AGMO: variants seen among roughly 807,000 people sequenced by gnomAD.
AGMO encodes glyceryl-ether monooxygenase.
A neutral mutation model predicts 60.2 loss-of-function variants in AGMO; 75 were observed. The observed-to-expected ratio is 1.25, with a 90% confidence interval of 1.03 to 1.51. The LOEUF (loss-of-function observed/expected upper bound fraction) is 1.51, where lower values mean the gene tolerates loss of function less well. Ranked by LOEUF, AGMO falls within the 40% of genes most tolerant of loss-of-function variation. AGMO has a pLI of 0.00. For synonymous variants in AGMO, 261 were observed against 177.1 expected, an observed-to-expected ratio of 1.47 and a Z score of -3.76; for missense variants, 763 against 525.5, an observed-to-expected ratio of 1.45 and a Z score of -4.42.
chr7:15,340,365 T>TG (rs1362556001), intron 12 of AGMO, among the ~76,000 whole-genome samples: 2 of 152,206 alleles, frequency 1.3e-5, no homozygotes, highest in Non-Finnish European at 1.5e-5. Context: ...GACTTAGGGA[T>TG]GCTCAACCTA....
the AGMO span, among the ~76,000 whole-genome samples, chr7:15,123,419 T>C: frequency 6.6e-6 from 1 of 152,018 alleles, no homozygotes; most frequent in African/African-American, 2.4e-5. Flanking sequence ...TGCCTAGTGT[T>C]GTACTTGGCA....
chr7:15,181,623 A>G, the AGMO span, among the ~76,000 whole-genome samples: 1 of 152,140 alleles, frequency 6.6e-6, no homozygotes, highest in Non-Finnish European at 1.5e-5. Context: ...AATATATTAT[A>G]TATATTATCT....
intron 12 of AGMO, among the ~76,000 whole-genome samples, chr7:15,237,489 T>A (rs2128501592): frequency 6.6e-6 from 1 of 152,172 alleles, no homozygotes; most frequent in African/African-American, 2.4e-5. Context: ...AGAGAGTGTT[T>A]TTTTTTTCTT....
chr7:15,242,495 G>A (rs1284110726), intron 12 of AGMO, among the ~76,000 whole-genome samples: 1 of 152,164 alleles, frequency 6.6e-6, no homozygotes. Flanking sequence ...AATGCTGGAG[G>A]AAGAATACAA....
At chr7:15,505,906 G>C (rs771733246) in intron 3 of AGMO, among the ~76,000 whole-genome samples, 13 of 152,092 alleles carry the variant, frequency 8.5e-5, no homozygotes, top group Non-Finnish European at 1.8e-4. Flanking sequence ...AATAGTTTCA[G>C]CATGATCCAA....
chr7:15,440,590 A>G (rs1781526104), intron 3 of AGMO, among the ~76,000 whole-genome samples: 1 of 152,194 alleles, frequency 6.6e-6, no homozygotes, highest in Non-Finnish European at 1.5e-5. Flanking sequence ...TAGGTGTTAC[A>G]GATAGGTAGT....
At chr7:15,140,098 T>C in the AGMO span, among the ~76,000 whole-genome samples, 2 of 151,280 alleles carry the variant, frequency 1.3e-5, no homozygotes, top group African/African-American at 4.8e-5. Flanking sequence ...TATAAAAATA[T>C]AATATCAAAA....
chr7:15,256,443 C>T (rs866475228), intron 12 of AGMO, among the ~76,000 whole-genome samples: 1 of 152,064 alleles, frequency 6.6e-6, no homozygotes, highest in Non-Finnish European at 1.5e-5. Flanking sequence ...CCCAGGTTCA[C>T]GCCATTCTCC....
At chr7:15,407,546 T>C (rs936180411) in intron 5 of AGMO, among the ~76,000 whole-genome samples, 11 of 151,672 alleles carry the variant, frequency 7.3e-5, no homozygotes, top group East Asian at 5.8e-4. Flanking sequence ...ATTTTAGATA[T>C]GCTGATTCAG....
chr7:15,436,261 A>C (rs1781401469), intron 3 of AGMO, among the ~76,000 whole-genome samples: 1 of 152,072 alleles, frequency 6.6e-6, no homozygotes, highest in African/African-American at 2.4e-5. Context: ...AATTTGTAAT[A>C]AACAGGAATT....
chr7:15,557,331 A>G (rs1380445909), intron 2 of AGMO, among the ~76,000 whole-genome samples: 1 of 152,082 alleles, frequency 6.6e-6, no homozygotes, highest in Non-Finnish European at 1.5e-5. Context: ...TTGTCTTGCA[A>G]TCACCTATTT....
chr7:15,375,676 G>C (rs188534411), intron 10 of AGMO, among the ~76,000 whole-genome samples: 24 of 152,070 alleles, frequency 1.6e-4, no homozygotes, highest in African/African-American at 5.8e-4. Flanking sequence ...GATTACAGGC[G>C]TAAGCCACTG....
chr7:15,248,227 T>TGTATATATATA (rs1413598774), intron 12 of AGMO, among the ~76,000 whole-genome samples: 5 of 118,120 alleles, frequency 4.2e-5, no homozygotes, highest in Non-Finnish European at 9.0e-5. Flanking sequence ...TATATATATC[T>TGTATATATATA]TCATCTTCAA....
the AGMO span, among the ~76,000 whole-genome samples, chr7:15,152,710 T>A: frequency 2.6e-5 from 4 of 152,196 alleles, no homozygotes; most frequent in Non-Finnish European, 4.4e-5. Context: ...TTCCATGATA[T>A]AAATATACAA....
the AGMO span, among the ~76,000 whole-genome samples, chr7:15,161,569 TTACATATATGTGTATATA>T: frequency 6.6e-6 from 1 of 151,640 alleles, no homozygotes; most frequent in East Asian, 1.9e-4. Context: ...CATGTGGATT[TTACATATATGTGTATATA>T]TACATATATG....
intron 3 of AGMO, among the ~76,000 whole-genome samples, chr7:15,498,627 G>T (rs140717826): frequency 6.6e-6 from 1 of 152,032 alleles, no homozygotes; most frequent in African/African-American, 2.4e-5. Context: ...TCAAAACAAT[G>T]TGCTTTATTT....
At chr7:15,326,054 T>C (rs1441441920) in intron 12 of AGMO, among the ~76,000 whole-genome samples, 1 of 152,142 alleles carries the variant, frequency 6.6e-6, no homozygotes, top group African/African-American at 2.4e-5. Flanking sequence ...TTAGAAGCAG[T>C]GCTAAATTAA....
At chr7:15,416,584 G>T (rs1780779089) in intron 5 of AGMO, among the ~76,000 whole-genome samples, 2 of 152,096 alleles carry the variant, frequency 1.3e-5, no homozygotes, top group Admixed American at 1.3e-4. Context: ...GATGTTAGGA[G>T]AAGTGAAACA....
At chr7:15,271,028 A>C (rs754631572) in intron 12 of AGMO, among the ~76,000 whole-genome samples, 1 of 151,788 alleles carries the variant, frequency 6.6e-6, no homozygotes, top group African/African-American at 2.4e-5. Flanking sequence ...CTATGTTTCT[A>C]TTTTTGTACC....
Sources: allele counts gnomAD v4.1 joint callset (sites outside exome capture counted in the v4.1 genomes callset), GRCh38; gene constraint gnomAD v4.1.1; transcripts MANE v1.5; gene names NCBI Gene and HGNC (gene_info 2026-07-23, HGNC 2026-07-21).